SBF2: variants seen among roughly 807,000 people sequenced by gnomAD.
SBF2 encodes SET binding factor 2.
In SBF2, 112 loss-of-function variants were observed where a neutral mutation model predicts 225.2. The observed-to-expected ratio is 0.50, with a 90% confidence interval of 0.43 to 0.58. The LOEUF (loss-of-function observed/expected upper bound fraction) is 0.58, where lower values mean the gene tolerates loss of function less well. Ranked by LOEUF, SBF2 falls within the 20% of genes least tolerant of loss-of-function variation. The pLI is 0.00. For synonymous variants in SBF2, 763 were observed against 773.3 expected, an observed-to-expected ratio of 0.99 and a Z score of 0.22; for missense variants, 1,996 against 2,206.2, an observed-to-expected ratio of 0.90 and a Z score of 1.91.
chr11:9,962,138 G>A (rs1187163693), intron 15 of SBF2, 32 bp from the exon 16 acceptor site: 1 of 1,602,974 alleles, frequency 6.2e-7, no homozygotes, highest in Middle Eastern at 1.7e-4. Flanking sequence ...ATGACCAAAT[G>A]GTACCACTGG....
At chr11:9,980,823 C>G (rs1027401665) in intron 13 of SBF2, among the ~76,000 whole-genome samples, 4 of 152,094 alleles carry the variant, frequency 2.6e-5, no homozygotes, top group Non-Finnish European at 5.9e-5. Context: ...GCCTCGGCCT[C>G]CCAAAGTGCT....
At chr11:10,016,738 G>A (rs1433036887) in intron 6 of SBF2, 7 of 152,038 alleles carry the variant, frequency 4.6e-5, no homozygotes, top group Non-Finnish European at 8.8e-5. Flanking sequence ...TGCCCGCCTC[G>A]GCCTCCCAAA....
chr11:9,818,646 T>C (rs550167733), intron 28 of SBF2, among the ~76,000 whole-genome samples: 4 of 152,246 alleles, frequency 2.6e-5, no homozygotes, highest in Non-Finnish European at 5.9e-5. Context: ...TCTGCTTCTC[T>C]TTCTCTTTAT....
At chr11:9,936,522 T>C (rs572717019) in intron 16 of SBF2, among the ~76,000 whole-genome samples, 9 of 152,348 alleles carry the variant, frequency 5.9e-5, no homozygotes, top group African/African-American at 2.2e-4. Context: ...ATTGCAGCAC[T>C]ATTCACAATA....
rs537355157 is a variant in SBF2, at chr11:9,998,454, T to C, written c.862-75A>G. On this transcript the variant is annotated intron_variant, in intron 8 of 39. Transcript: ENST00000256190. ...TTAAGCAAATTATTTTTCCCTTGACTAATTCAAAACGAGAAGAATCAGATG... is the reference window on the plus strand; with the variant it reads ...TTAAGCAAATTATTTTTCCCTTGACCAATTCAAAACGAGAAGAATCAGATG... The C allele has an allele frequency of 2.4e-5, 20 of 822,778 alleles. No homozygotes were observed. In the African/African-American group the frequency reaches 3.4e-4, roughly 14 times the overall value. The allele number at this position is 822,778 out of a possible 1,614,324, so 51.0% of individuals were successfully genotyped here.
chr11:10,151,069 T>A lies in SBF2; in HGVS notation c.141+42833A>T, dbSNP rs371319455. On this transcript the variant is annotated intron_variant, in intron 2 of 39. Coordinates refer to ENST00000256190, the MANE Select transcript of SBF2 (RefSeq NM_030962.4). ...CAACTTTCTATGCTAAAGGTTGACA[T>A]GTATTTCCCTTGGAGAACATGTCTA... Among the ~76,000 whole-genome samples the A allele has an allele frequency of 2.6e-5, 4 of 152,242 alleles. No individual in the cohort carries two copies. The East Asian group carries it at 7.7e-4, about 29-fold the overall frequency.
chr11:10,196,686 T>C (rs1957365551), intron 1 of SBF2, among the ~76,000 whole-genome samples: 1 of 151,732 alleles, frequency 6.6e-6, no homozygotes, highest in Non-Finnish European at 1.5e-5. Context: ...CCCAATCATA[T>C]TATCTTTTAC....
chr11:9,794,900 G>A (rs472487), intron 33 of SBF2, among the ~76,000 whole-genome samples: 133,880 of 151,998 alleles, frequency 0.88, 59,184 homozygotes, highest in Non-Finnish European at 0.9. Flanking sequence ...AAAGTATGCA[G>A]TATCATACTA....
chr11:10,256,819 C>A (rs1960903740), intron 1 of SBF2, among the ~76,000 whole-genome samples: 1 of 152,184 alleles, frequency 6.6e-6, no homozygotes, highest in Non-Finnish European at 1.5e-5. Context: ...TCTCTCTCAT[C>A]AAAATCTTTT....
chr11:9,841,299 T>C (rs946265265), intron 25 of SBF2, among the ~76,000 whole-genome samples: 3 of 152,168 alleles, frequency 2.0e-5, no homozygotes, highest in Admixed American at 6.5e-5. Flanking sequence ...CATAGAATAA[T>C]AGGTTTTGTT....
At chr11:10,151,213 A>G (rs536136753) in intron 2 of SBF2, among the ~76,000 whole-genome samples, 1 of 152,352 alleles carries the variant, frequency 6.6e-6, no homozygotes, top group South Asian at 2.1e-4. Context: ...ATATCCAGTA[A>G]TCTAGTTCTA....
At chr11:9,959,596 C>T (rs1866424166) in intron 16 of SBF2, 11 of 765,968 alleles carry the variant, frequency 1.4e-5, no homozygotes, top group Admixed American at 3.4e-5. Context: ...ACTGTTGGAA[C>T]CTTCAAAGTA....
At chr11:10,164,638 T>G (rs1243131455) in intron 2 of SBF2, among the ~76,000 whole-genome samples, 1 of 152,184 alleles carries the variant, frequency 6.6e-6, no homozygotes, top group Admixed American at 6.5e-5. Context: ...TAATCTATCT[T>G]GGTTCCACTG....
chr11:9,901,223 A>G (rs2134153685), intron 16 of SBF2, among the ~76,000 whole-genome samples: 1 of 152,376 alleles, frequency 6.6e-6, no homozygotes, highest in East Asian at 1.9e-4. Context: ...AAACTTGGAA[A>G]GATAAACAGA....
intron 17 of SBF2, among the ~76,000 whole-genome samples, chr11:9,893,713 T>C (rs1861018033): frequency 6.6e-6 from 1 of 152,218 alleles, no homozygotes; most frequent in African/African-American, 2.4e-5. Flanking sequence ...GGCAGTTTAC[T>C]GCTTGCCAGT....
At chr11:9,898,605 A>G (rs1301255824) in intron 16 of SBF2, among the ~76,000 whole-genome samples, 2 of 152,134 alleles carry the variant, frequency 1.3e-5, no homozygotes, top group African/African-American at 2.4e-5. Context: ...TGGGAGGCAC[A>G]GGTTGCAGTG....
intron 2 of SBF2, among the ~76,000 whole-genome samples, chr11:10,193,394 GC>G (rs1298923872): frequency 1.5e-4 from 19 of 127,238 alleles, no homozygotes; most frequent in Admixed American, 7.0e-4. Context: ...TTGCTCTGTC[GC>G]CCAGGCTAGA....
chr11:9,889,927 G>A (rs11042531), intron 17 of SBF2, among the ~76,000 whole-genome samples: 86,880 of 151,626 alleles, frequency 0.57, 25,156 homozygotes, highest in African/African-American at 0.6. Flanking sequence ...TTTTTGAGAC[G>A]GAGTCTCACT....
intron 1 of SBF2, among the ~76,000 whole-genome samples, chr11:10,204,539 T>TGAGGCAGGAGAATGGCGTG (rs57023047): frequency 2.0e-5 from 3 of 151,268 alleles, no homozygotes; most frequent in South Asian, 4.2e-4. Flanking sequence ...CTCAGGAGGC[T>TGAGGCAGGAGAATGGCGTG]GAGGCAGGAG....
Sources: gnomAD v4.1 joint callset for allele counts (sites outside exome capture counted in the v4.1 genomes callset) on GRCh38, gnomAD v4.1.1 for gene constraint, MANE v1.5 for transcripts, NCBI Gene and HGNC (gene_info 2026-07-23, HGNC 2026-07-21) for gene names.